Variants in SEC11C observed in about 807,000 individuals in gnomAD.
SEC11C encodes the protein signal peptidase complex catalytic subunit SEC11C.
Under a neutral mutation model 21.9 loss-of-function variants are expected in SEC11C, and 10 were observed. The ratio of observed to expected loss-of-function variants is 0.46; its 90% CI spans 0.28 to 0.77. The LOEUF (loss-of-function observed/expected upper bound fraction) is 0.77, where lower values mean the gene tolerates loss of function less well. SEC11C is among the 30% of genes least tolerant of loss of function. The probability of loss-of-function intolerance (pLI) is 0.12; values close to 1 mark genes in which losing one functional copy is unlikely to be tolerated. For synonymous variants in SEC11C, 83 were observed against 85.6 expected (o/e 0.97, Z 0.17); for missense variants, 145 against 244.5 (o/e 0.59, Z 2.71).
intron 2 of SEC11C, among the ~76,000 whole-genome samples, chr18:59,150,350 A>G (rs1361771929): frequency 1.3e-5 from 2 of 152,186 alleles, no homozygotes; most frequent in African/African-American, 4.8e-5. Context: ...AGGCTAGAAC[A>G]CAGGGCTCTT....
chr18:59,146,147 G>A (rs112249052), intron 1 of SEC11C, among the ~76,000 whole-genome samples: 5 of 152,258 alleles, frequency 3.3e-5, no homozygotes, highest in African/African-American at 1.2e-4. Flanking sequence ...GGCCCCGTTG[G>A]TGATATGATG....
chr18:59,155,663 G>T, intron 3 of SEC11C, 25 bp from the exon 4 acceptor site: 1 of 1,602,968 alleles, frequency 6.2e-7, no homozygotes, highest in South Asian at 1.1e-5. Flanking sequence ...AATAATTTTT[G>T]AGAAGACATT....
chr18:59,143,204 T>C (rs947483579), intron 1 of SEC11C, among the ~76,000 whole-genome samples: 2 of 151,524 alleles, frequency 1.3e-5, no homozygotes, highest in Non-Finnish European at 2.9e-5. Context: ...AATATAAAAA[T>C]TAGCCGGGTG....
chr18:59,149,763 T>C, intron 2 of SEC11C, 141 bp downstream of exon 2: 1 of 480,972 alleles, frequency 2.1e-6, no homozygotes, highest in East Asian at 3.0e-5. Flanking sequence ...TAGTCTTTAT[T>C]GATATCTATT....
chr18:59,157,667 T>C lies in SEC11C; in HGVS notation c.525+2T>C. ...ATGAATGACTATCCAAAATTCAAGGTAGGAATTTATGTGTGTCTATATTTA... is the reference window on the plus strand; with the variant it reads ...ATGAATGACTATCCAAAATTCAAGGCAGGAATTTATGTGTGTCTATATTTA... On this transcript the variant is annotated splice_donor_variant, in intron 5 of 5. Coordinates refer to ENST00000587834, the MANE Select transcript of SEC11C (RefSeq NM_033280.4). LOFTEE classifies it high-confidence loss of function. 1 of 1,579,570 alleles carries C rather than the reference T, an allele frequency of 6.3e-7. No individual in the cohort carries two copies. Among genetic ancestry groups the C allele is most frequent in the Non-Finnish European group, 8.7e-7 (1 of 1,148,778 alleles).
chr18:59,158,555 G>T (rs1433995464), intron 5 of SEC11C, 77 bp from the exon 6 acceptor site: 2 of 1,118,528 alleles, frequency 1.8e-6, no homozygotes, highest in Non-Finnish European at 1.4e-6. Context: ...GTATTTAACG[G>T]ACTTCATCTG....
intron 3 of SEC11C, among the ~76,000 whole-genome samples, chr18:59,153,838 C>T (rs761083895): frequency 2.0e-5 from 3 of 151,988 alleles, no homozygotes; most frequent in Non-Finnish European, 4.4e-5. Flanking sequence ...TCTCAAGTAG[C>T]TGGAATTACA....
In SEC11C at chr18:59,155,733, A is replaced by C. The variant is rs764900908; in HGVS notation, c.393A>C (p.Glu131Asp). 1 of 1,613,948 alleles carries C rather than the reference A, an allele frequency of 6.2e-7. No homozygotes were observed. Among genetic ancestry groups the C allele is most frequent in the Non-Finnish European group, 8.5e-7 (1 of 1,179,868 alleles). Residue 131 changes from glutamate (E) to aspartate (D), a missense_variant, in exon 4 of 6, where the codon GAA becomes GAC. Physicochemically the swap from Glu to Asp is conservative, Grantham distance 45. Transcript: ENST00000587834. The stretch of plus-strand genomic sequence containing the variant: ...TTCTGACTAAAGGAGATAATAATGA[A>C]GTTGATGATAGAGGCTTGTACAAAG... ...IKFLTKGDNN[E>D]VDDRGLYKEG...
intron 2 of SEC11C, among the ~76,000 whole-genome samples, chr18:59,150,566 CTG>C (rs1190768144): frequency 6.6e-6 from 1 of 152,234 alleles, no homozygotes; most frequent in African/African-American, 2.4e-5. Context: ...CGTGTTCACA[CTG>C]TGCTTTGGGG....
chr18:59,147,857 C>T (rs181092321), intron 1 of SEC11C: 61 of 152,424 alleles, frequency 4.0e-4, no homozygotes, highest in African/African-American at 1.3e-3. Context: ...GGGGTTATGG[C>T]TCCCACCCTA....
In SEC11C at chr18:59,155,684, C is replaced by T. The variant is rs552456171; in HGVS notation, c.348-4C>T. On this transcript the variant is annotated splice_region_variant and splice_polypyrimidine_tract_variant and intron_variant, in intron 3 of 5. Coordinates refer to ENST00000587834, the MANE Select transcript of SEC11C (RefSeq NM_033280.4). ...TTTTGAGAAGACATTATTTTGCTTT[C>T]CAGAGATAATGGAGACATCAAATTT... is the stretch of plus-strand genomic sequence containing the variant. The T allele has an allele frequency of 6.2e-7, 1 of 1,609,542 alleles. No individual in the cohort carries two copies. The highest frequency in any genetic ancestry group is 2.2e-5 in the East Asian group (1 of 44,800).
chr18:59,157,531 C>A (rs1048756327), intron 4 of SEC11C, 77 bp from the exon 5 acceptor site: 1 of 960,676 alleles, frequency 1.0e-6, no homozygotes, highest in East Asian at 2.4e-5. Context: ...TAAGACTGAT[C>A]TATAGTGTTT....
In SEC11C at chr18:59,152,550, C is replaced by T; in HGVS notation, c.212C>T (p.Pro71Leu). The T allele has an allele frequency of 2.5e-6, 4 of 1,604,374 alleles. No individual in the cohort carries two copies. Among genetic ancestry groups the T allele is most frequent in the Non-Finnish European group, 3.4e-6 (4 of 1,177,188 alleles). ...CTTCTTTCCAGTGGCAGTATGGAGC[C>T]GGCCTTTCACAGAGGAGACCTCCTG... ...IVVVLSGSMEPAFHRGDLLFL... is the reference protein window; with the variant it reads ...IVVVLSGSMELAFHRGDLLFL... The change falls in exon 3 of 6, where the codon CCG (proline) becomes CTG (leucine). Residue 71 changes from proline to leucine, a missense_variant. Transcript: ENST00000587834.
In SEC11C at chr18:59,157,429, C is replaced by T. The variant is rs990532551; in HGVS notation, c.468-179C>T. On this transcript the variant is annotated intron_variant, in intron 4 of 5. Transcript: ENST00000587834. Reference sequence around the variant, plus strand: ...AGAAAACTTGTCCTGGCTGCCAGTGCTGATGCTCCTTACTAATAAAGCTGT... The same window carrying T: ...AGAAAACTTGTCCTGGCTGCCAGTGTTGATGCTCCTTACTAATAAAGCTGT... 8 of 516,106 alleles carry T rather than the reference C, an allele frequency of 1.6e-5. 1 individual carries two copies. The highest frequency in any genetic ancestry group is 1.2e-4 in the Admixed American group (3 of 25,840). 32.0% of individuals were successfully genotyped at this position (516,106 alleles called of 1,614,324 possible).
At chr18:59,149,491 G>C in intron 1 of SEC11C, 22 bp from the exon 2 acceptor site, 1 of 1,499,774 alleles carries the variant, frequency 6.7e-7, no homozygotes, top group Non-Finnish European at 9.3e-7. Flanking sequence ...TTTTCATCGT[G>C]GTTTCCTCTT....
At chr18:59,147,418 C>T (rs549922668) in intron 1 of SEC11C, 1 of 152,244 alleles carries the variant, frequency 6.6e-6, no homozygotes, top group Admixed American at 6.5e-5. Context: ...AACATCACTG[C>T]CTCCAAAACA....
At chr18:59,142,009 G>A (rs1178267265) in intron 1 of SEC11C, among the ~76,000 whole-genome samples, 1 of 152,182 alleles carries the variant, frequency 6.6e-6, no homozygotes, top group African/African-American at 2.4e-5. Flanking sequence ...TACAAAGTTG[G>A]TAGGCAAAGG....
chr18:59,141,446 C>T (rs2069209322), intron 1 of SEC11C, among the ~76,000 whole-genome samples: 1 of 152,170 alleles, frequency 6.6e-6, no homozygotes, highest in Non-Finnish European at 1.5e-5. Context: ...AAAATTGGTA[C>T]TGATTACTGA....
chr18:59,152,234 A>G (rs748280306), intron 2 of SEC11C, among the ~76,000 whole-genome samples: 3 of 152,004 alleles, frequency 2.0e-5, no homozygotes, highest in Non-Finnish European at 4.4e-5. Flanking sequence ...TTGTAGATGC[A>G]GGACTTTTTT....
Sources: allele counts gnomAD v4.1 joint callset (sites outside exome capture counted in the v4.1 genomes callset), GRCh38; gene constraint gnomAD v4.1.1; transcripts MANE v1.5; gene names NCBI Gene and HGNC (gene_info 2026-07-23, HGNC 2026-07-21).